The following ATG16L1 variants were observed in gnomAD, a reference collection of about 807,000 sequenced individuals.
ATG16L1 encodes autophagy-related protein 16-1.
A neutral mutation model predicts 88.5 loss-of-function variants in ATG16L1; 37 were observed. That is an observed-to-expected ratio of 0.42 (90% CI 0.32 to 0.55). The LOEUF is 0.55. ATG16L1 is among the 20% of genes least tolerant of loss of function. The pLI is 0.13. For missense variants in ATG16L1, 554 were observed against 752.8 expected (o/e 0.74, Z 3.09); for synonymous variants, 301 against 281.0 (o/e 1.07, Z -0.71).
intron 1 of ATG16L1, among the ~76,000 whole-genome samples, chr2:233,252,620 TCAAACGATCTTCCCACCTCGGCCTCC>T (rs1418596376): frequency 6.6e-6 from 1 of 152,114 alleles, no homozygotes; most frequent in Non-Finnish European, 1.5e-5. Context: ...ACTCCTGCGC[TCAAACGATCTTCCCACCTCGGCCTCC>T]CAAAGTGCTG....
At chr2:233,274,479 T>C in intron 8 of ATG16L1, 197 bp from the exon 9 acceptor site, 1 of 509,366 alleles carries the variant, frequency 2.0e-6, no homozygotes, top group South Asian at 2.7e-5. Flanking sequence ...AGGCATGTGC[T>C]GGCTCTCTTT....
chr2:233,274,019 C>A (rs780004910), intron 8 of ATG16L1: 1 of 1,550,882 alleles, frequency 6.4e-7, no homozygotes. Flanking sequence ...TTTGGGACAT[C>A]ATTCTTCTTC....
At chr2:233,252,456 C>G (rs1199251534) in intron 1 of ATG16L1, among the ~76,000 whole-genome samples, 1 of 152,046 alleles carries the variant, frequency 6.6e-6, no homozygotes, top group Non-Finnish European at 1.5e-5. Context: ...GATCACGGCT[C>G]ACTGCAGTCT....
At chr2:233,263,891 C>G in intron 3 of ATG16L1, 101 bp from the exon 4 acceptor site, 1 of 1,156,508 alleles carries the variant, frequency 8.6e-7, no homozygotes, top group South Asian at 1.4e-5. Context: ...TGTCACCCAG[C>G]TCATTTATTC....
At chr2:233,287,694 A>G (rs1167396370) in intron 12 of ATG16L1, among the ~76,000 whole-genome samples, 1 of 152,220 alleles carries the variant, frequency 6.6e-6, no homozygotes, top group Non-Finnish European at 1.5e-5. Flanking sequence ...CCTGGCCAAC[A>G]TGGTAAAACC....
chr2:233,271,269 A>G (rs1031848914), intron 6 of ATG16L1, among the ~76,000 whole-genome samples: 3 of 152,064 alleles, frequency 2.0e-5, no homozygotes, highest in African/African-American at 7.2e-5. Flanking sequence ...AAAGCCTGTT[A>G]TTTTATTTTG....
intron 6 of ATG16L1, 89 bp from the exon 7 acceptor site, chr2:233,272,877 C>A: frequency 8.5e-7 from 1 of 1,174,674 alleles, no homozygotes. Context: ...GGTTTAGGAT[C>A]TAACTAGAAA....
At position 233,286,621 on chromosome 2, in the gene ATG16L1, C is replaced by CTTTTTTTT. The variant is rs10676895; in HGVS notation, c.1204-3218_1204-3211dup. Among the ~76,000 whole-genome samples the CTTTTTTTT allele has an allele frequency of 7.1e-3, 666 of 93,282 alleles. 37 individuals carry two copies. The highest frequency in any genetic ancestry group is 0.029 in the African/African-American group (620 of 21,494). 61.2% of individuals were successfully genotyped at this position (93,282 alleles called of 152,430 possible). ...AGAATAAGGTGAGCAGAAGCCCAAACTTTTTTTTTTTTTTTTTTTTTTGAG... is the reference window on the plus strand; with the variant it reads ...AGAATAAGGTGAGCAGAAGCCCAAACTTTTTTTTTTTTTTTTTTTTTTTTTTTTTTGAG... On this transcript the variant is annotated intron_variant, in intron 12 of 17. Coordinates refer to ENST00000392017, the MANE Select transcript of ATG16L1 (RefSeq NM_030803.7).
At chr2:233,279,358 T>C (rs1311797774) in intron 10 of ATG16L1, among the ~76,000 whole-genome samples, 1 of 82,326 alleles carries the variant, frequency 1.2e-5, no homozygotes, top group African/African-American at 4.8e-5. Flanking sequence ...GTAACCTTTT[T>C]GCGGCTGAAA....
chr2:233,260,848 C>T (rs1372871276), intron 2 of ATG16L1, among the ~76,000 whole-genome samples: 2 of 152,210 alleles, frequency 1.3e-5, no homozygotes. Context: ...TTGGAAACCC[C>T]TCCCAAAATG....
Position 233,282,712 on chromosome 2 carries a change from T to C in ATG16L1, c.1162T>C (p.Phe388Leu). The C allele has an allele frequency of 6.2e-7, 1 of 1,614,184 alleles. No homozygotes were observed. The highest frequency in any genetic ancestry group is 8.5e-7 in the Non-Finnish European group (1 of 1,180,006). ...GSYLLAASND[F>L]ASRIWTVDDY... ...TTACCTCTTAGCAGCTTCAAATGATTTTGCAAGCCGAATCTGGACTGTGGA... is the reference window on the plus strand; with the variant it reads ...TTACCTCTTAGCAGCTTCAAATGATCTTGCAAGCCGAATCTGGACTGTGGA... The change falls in exon 12 of 18, where the codon TTT (phenylalanine) becomes CTT (leucine). Residue 388 changes from phenylalanine (F) to leucine (L), a missense_variant. By Grantham distance (22) the Phe-to-Leu change is conservative (BLOSUM62 0). Transcript: ENST00000392017.
chr2:233,287,774 A>G (rs1281144776), intron 12 of ATG16L1, among the ~76,000 whole-genome samples: 1 of 152,222 alleles, frequency 6.6e-6, no homozygotes, highest in Non-Finnish European at 1.5e-5. Flanking sequence ...GCTACTCAGG[A>G]GGCTGAGGCA....
chr2:233,277,535 G>T, intron 9 of ATG16L1, 33 bp from the exon 10 acceptor site: 1 of 1,595,076 alleles, frequency 6.3e-7, no homozygotes, highest in South Asian at 1.1e-5. Flanking sequence ...GGATGAGAAT[G>T]ACTGGGTTTG....
intron 9 of ATG16L1, chr2:233,275,419 AC>A (rs1364621529): frequency 6.5e-6 from 2 of 309,448 alleles, no homozygotes; most frequent in Non-Finnish European, 1.3e-5. Flanking sequence ...AAAGAACAGA[AC>A]CTGGAGAGTT....
chr2:233,293,235 T>A (rs373448688), intron 16 of ATG16L1, 21 bp from the exon 17 acceptor site: 4 of 1,609,716 alleles, frequency 2.5e-6, no homozygotes, highest in Non-Finnish European at 3.4e-6. Context: ...ACAACCTTTC[T>A]TTTCTTACTG....
intron 1 of ATG16L1, 110 bp downstream of exon 1, chr2:233,252,052 C>T: frequency 3.2e-6 from 3 of 927,674 alleles, no homozygotes; most frequent in South Asian, 4.2e-5. Flanking sequence ...GCACGCATGG[C>T]GGCCGCCCCG....
chr2:233,291,644 C>T (rs943758566), intron 14 of ATG16L1, among the ~76,000 whole-genome samples: 11 of 152,184 alleles, frequency 7.2e-5, no homozygotes, highest in Non-Finnish European at 1.6e-4. Context: ...AGGGCCGTGG[C>T]TCTGCCCTGG....
intron 12 of ATG16L1, among the ~76,000 whole-genome samples, chr2:233,288,032 C>T (rs969493288): frequency 1.3e-5 from 2 of 151,968 alleles, no homozygotes; most frequent in Non-Finnish European, 1.5e-5. Flanking sequence ...CTTGATCTTA[C>T]GGAAGGATCA....
intron 1 of ATG16L1, among the ~76,000 whole-genome samples, chr2:233,253,332 GTTTT>G (rs570754671): frequency 8.9e-6 from 1 of 112,890 alleles, no homozygotes; most frequent in African/African-American, 3.3e-5. Context: ...GTGAGACTGG[GTTTT>G]TTTGTTTTTT....
Sources: gnomAD v4.1 joint callset for allele counts (sites outside exome capture counted in the v4.1 genomes callset) on GRCh38, gnomAD v4.1.1 for gene constraint, MANE v1.5 for transcripts, NCBI Gene and HGNC (gene_info 2026-07-23, HGNC 2026-07-21) for gene names.